Variants in DAB2IP observed in about 807,000 individuals in gnomAD.
DAB2IP encodes the protein disabled homolog 2-interacting protein.
DAB2IP carries 28 observed loss-of-function variants against 107.2 expected under a neutral mutation model. The observed-to-expected ratio is 0.26, with a 90% CI of 0.19 to 0.36. The LOEUF is 0.36. DAB2IP is among the 10% of genes least tolerant of loss of function. DAB2IP has a pLI of 1.00. For synonymous variants in DAB2IP, 755 were observed against 706.4 expected (o/e 1.07, Z -1.09); for missense variants, 1,400 against 1,644.7 (o/e 0.85, Z 2.57).
At chr9:121,584,102 G>C (rs2789883) in intron 1 of DAB2IP, among the ~76,000 whole-genome samples, 1 of 151,988 alleles carries the variant, frequency 6.6e-6, no homozygotes, top group Non-Finnish European at 1.5e-5. Context: ...ACTTGAACCT[G>C]GTCCTGTGGA....
chr9:121,629,552 T>G (rs1283687455), intron 1 of DAB2IP, among the ~76,000 whole-genome samples: 1 of 152,224 alleles, frequency 6.6e-6, no homozygotes, highest in East Asian at 1.9e-4. Flanking sequence ...CTCATCCATT[T>G]ATTACCTGTC....
intron 1 of DAB2IP, among the ~76,000 whole-genome samples, chr9:121,588,103 G>A (rs901484916): frequency 2.6e-5 from 4 of 152,122 alleles, no homozygotes; most frequent in Non-Finnish European, 5.9e-5. Flanking sequence ...CATGCACTAC[G>A]GTGATTACTT....
intron 1 of DAB2IP, among the ~76,000 whole-genome samples, chr9:121,639,472 C>T (rs1248324519): frequency 6.6e-6 from 1 of 152,160 alleles, no homozygotes; most frequent in Non-Finnish European, 1.5e-5. Flanking sequence ...CAGCCCAGGA[C>T]CTGCTGAGGT....
At position 121,684,059 on chromosome 9, in the gene DAB2IP, G is replaced by C. The variant is rs1256743423; in HGVS notation, c.228+5278G>C. On this transcript the variant is annotated intron_variant, in intron 2 of 15. Transcript: ENST00000408936. The surrounding 1 kb of genome is among the most constrained non-coding windows in gnomAD (Gnocchi z 4.0). ...GTAGACCTCTGAGCTGTGGACCTCA[G>C]GTTTTCCAGCTGCTCACCCCTTTTC... 6.6e-6 allele frequency among the ~76,000 whole-genome samples: 1 copy of C among 152,072 alleles called. No individual in the cohort carries two copies. The highest frequency in any genetic ancestry group is 1.5e-5 in the Non-Finnish European group (1 of 67,998).
chr9:121,578,823 C>T (rs1346325689), intron 1 of DAB2IP, among the ~76,000 whole-genome samples: 1 of 149,410 alleles, frequency 6.7e-6, no homozygotes, highest in Non-Finnish European at 1.5e-5. Context: ...TCACTGCAAC[C>T]TCCACCTCCC....
chr9:121,638,741 C>CG (rs1564126347), intron 1 of DAB2IP, among the ~76,000 whole-genome samples: 2 of 151,416 alleles, frequency 1.3e-5, no homozygotes, highest in South Asian at 4.2e-4. Context: ...GGGGACAGTT[C>CG]GGGGGGATGG....
intron 1 of DAB2IP, among the ~76,000 whole-genome samples, chr9:121,641,748 T>G (rs1421378415): frequency 6.6e-6 from 1 of 151,510 alleles, no homozygotes; most frequent in Non-Finnish European, 1.5e-5. Flanking sequence ...AGGTCACTTG[T>G]TCCTGGTCCC....
intron 8 of DAB2IP, among the ~76,000 whole-genome samples, chr9:121,766,111 A>G (rs561209551): frequency 7.0e-4 from 106 of 152,246 alleles, no homozygotes; most frequent in African/African-American, 2.5e-3. Context: ...AATGAAGTAG[A>G]CACTGGCAGA....
intron 3 of DAB2IP, chr9:121,753,110 G>C (rs1833238384): frequency 6.6e-6 from 1 of 152,282 alleles, no homozygotes; most frequent in African/African-American, 2.4e-5. Flanking sequence ...AGCCCGGCCT[G>C]GGGACGCCAG....
chr9:121,569,856 C>G (rs1198059520), intron 1 of DAB2IP, among the ~76,000 whole-genome samples: 1 of 152,198 alleles, frequency 6.6e-6, no homozygotes, highest in Non-Finnish European at 1.5e-5. Flanking sequence ...GTGATGTGAT[C>G]AAAGGTCACT....
chr9:121,656,781 C>T (rs557088065), intron 1 of DAB2IP, among the ~76,000 whole-genome samples: 13 of 152,352 alleles, frequency 8.5e-5, no homozygotes, highest in African/African-American at 3.1e-4. Flanking sequence ...ATACTATCCT[C>T]ATTTCATAGG....
intron 1 of DAB2IP, among the ~76,000 whole-genome samples, chr9:121,597,992 A>AAGG (rs1830564261): frequency 6.6e-6 from 1 of 152,104 alleles, no homozygotes; most frequent in Non-Finnish European, 1.5e-5. Flanking sequence ...GACCGGTGGG[A>AAGG]AGGGTGAGAC....
intron 1 of DAB2IP, among the ~76,000 whole-genome samples, chr9:121,589,225 G>T (rs1305816089): frequency 2.6e-5 from 4 of 152,028 alleles, no homozygotes; most frequent in African/African-American, 9.7e-5. Flanking sequence ...CCCCCTCAAG[G>T]TCTCTCAGTA....
At chr9:121,716,659 G>T (rs1398315775) in intron 3 of DAB2IP, among the ~76,000 whole-genome samples, 3 of 152,184 alleles carry the variant, frequency 2.0e-5, no homozygotes, top group Non-Finnish European at 4.4e-5. Context: ...TGGGCATCCT[G>T]GGGTTGGTAC....
intron 1 of DAB2IP, among the ~76,000 whole-genome samples, chr9:121,578,256 T>C (rs1304540974): frequency 6.6e-6 from 1 of 151,952 alleles, no homozygotes; most frequent in Admixed American, 6.6e-5. Flanking sequence ...CTATCTCTGT[T>C]CCTATCTCTC....
intron 3 of DAB2IP, among the ~76,000 whole-genome samples, chr9:121,742,239 C>T (rs895594304): frequency 2.4e-4 from 37 of 152,168 alleles, no homozygotes; most frequent in African/African-American, 8.4e-4. Flanking sequence ...ACCAGCCTGA[C>T]CAACATGGTG....
intron 3 of DAB2IP, among the ~76,000 whole-genome samples, chr9:121,717,182 C>T (rs1830650953): frequency 6.6e-6 from 1 of 152,208 alleles, no homozygotes; most frequent in South Asian, 2.1e-4. Context: ...TACCAACTTC[C>T]ACATCGGCTC....
chr9:121,719,153 C>T (rs1467585721), intron 3 of DAB2IP, among the ~76,000 whole-genome samples: 3 of 152,216 alleles, frequency 2.0e-5, no homozygotes, highest in Non-Finnish European at 4.4e-5. Flanking sequence ...GAGCACATGA[C>T]CAAGCCCATT....
chr9:121,589,344 T>C (rs1288405872), intron 1 of DAB2IP, among the ~76,000 whole-genome samples: 2 of 152,184 alleles, frequency 1.3e-5, no homozygotes, highest in Non-Finnish European at 2.9e-5. Flanking sequence ...GAGGCTCCAA[T>C]AATACTTGAC....
Sources: allele counts gnomAD v4.1 joint callset (sites outside exome capture counted in the v4.1 genomes callset), GRCh38; gene constraint gnomAD v4.1.1; non-coding constraint Gnocchi (gnomAD v3.1); transcripts MANE v1.5; gene names NCBI Gene and HGNC (gene_info 2026-07-23, HGNC 2026-07-21).